SIPA1L1: variants seen among roughly 807,000 people sequenced by gnomAD.
The protein encoded by SIPA1L1 is signal induced proliferation associated 1 like 1.
Under a neutral mutation model 162.7 loss-of-function variants are expected in SIPA1L1, and 26 were observed. The ratio of observed to expected loss-of-function variants is 0.16; its 90% CI spans 0.12 to 0.22. The LOEUF (loss-of-function observed/expected upper bound fraction) is 0.22, where lower values mean the gene tolerates loss of function less well. Ranked by LOEUF, SIPA1L1 falls within the 10% of genes least tolerant of loss-of-function variation. The pLI, the probability that SIPA1L1 is intolerant of heterozygous loss-of-function variation, is 1.00. For missense variants in SIPA1L1, 1,874 were observed against 2,241.0 expected (o/e 0.84, Z 3.31); for synonymous variants, 829 against 837.4 (o/e 0.99, Z 0.17).
intron 2 of SIPA1L1, among the ~76,000 whole-genome samples, chr14:71,498,528 G>C (rs571037323): frequency 3.3e-4 from 50 of 152,304 alleles, no homozygotes; most frequent in Admixed American, 1.3e-3. Flanking sequence ...TGTAACATCT[G>C]TTTTAGTGCT....
At chr14:71,550,021 G>GGCGGA (rs1364648839) in intron 4 of SIPA1L1, among the ~76,000 whole-genome samples, 1 of 41,914 alleles carries the variant, frequency 2.4e-5, no homozygotes, top group Non-Finnish European at 3.7e-5. Context: ...CACTTTGGGA[G>GGCGGA]GCTGAGGTAG....
chr14:71,415,790 C>G (rs145116350), intron 2 of SIPA1L1, among the ~76,000 whole-genome samples: 3 of 152,190 alleles, frequency 2.0e-5, no homozygotes, highest in African/African-American at 7.2e-5. Context: ...CTCTAACTCC[C>G]AGGTTCAAGC....
At chr14:71,660,072 ATTTATT>A (rs2043380350) in intron 9 of SIPA1L1, among the ~76,000 whole-genome samples, 1 of 152,166 alleles carries the variant, frequency 6.6e-6, no homozygotes, top group Non-Finnish European at 1.5e-5. Context: ...TTATTAAGAC[ATTTATT>A]TTTATATGTC....
chr14:71,688,320 T>C (rs2149607912), intron 13 of SIPA1L1, among the ~76,000 whole-genome samples: 1 of 152,282 alleles, frequency 6.6e-6, no homozygotes, highest in African/African-American at 2.4e-5. Flanking sequence ...ACTGCAAGTG[T>C]AATGCAAATA....
chr14:71,606,224 T>G (rs2037477669), intron 5 of SIPA1L1, among the ~76,000 whole-genome samples: 1 of 152,246 alleles, frequency 6.6e-6, no homozygotes, highest in Admixed American at 6.5e-5. Context: ...TCCCTTGTGC[T>G]TCAGCCGCGG....
At chr14:71,583,962 C>G (rs147896232) in intron 4 of SIPA1L1, among the ~76,000 whole-genome samples, 30 of 152,252 alleles carry the variant, frequency 2.0e-4, no homozygotes, top group African/African-American at 7.0e-4. Flanking sequence ...GTGAGCCAGC[C>G]CAATCAACAC....
intron 6 of SIPA1L1, among the ~76,000 whole-genome samples, chr14:71,620,667 G>C (rs1230311010): frequency 6.6e-6 from 1 of 152,080 alleles, no homozygotes; most frequent in Non-Finnish European, 1.5e-5. Context: ...TCCCTTCTCA[G>C]CATGTCTTGC....
intron 2 of SIPA1L1, among the ~76,000 whole-genome samples, chr14:71,335,243 A>C (rs1038783329): frequency 6.6e-6 from 1 of 152,204 alleles, no homozygotes; most frequent in Non-Finnish European, 1.5e-5. Context: ...CGGAGCTTGC[A>C]GTGAGCCAAG....
chr14:71,730,402 C>A, intron 20 of SIPA1L1, 101 bp downstream of exon 20: 2 of 1,368,254 alleles, frequency 1.5e-6, no homozygotes, highest in Non-Finnish European at 1.0e-6. Context: ...GTCCTGTATC[C>A]ATGCTCAGAT....
At chr14:71,634,786 A>C (rs2040952652) in intron 7 of SIPA1L1, among the ~76,000 whole-genome samples, 1 of 151,948 alleles carries the variant, frequency 6.6e-6, no homozygotes, top group South Asian at 2.1e-4. Flanking sequence ...AATACAAAAA[A>C]TTAGCCAGGC....
intron 2 of SIPA1L1, among the ~76,000 whole-genome samples, chr14:71,464,062 A>G (rs1042654503): frequency 6.6e-6 from 1 of 152,222 alleles, no homozygotes; most frequent in Non-Finnish European, 1.5e-5. Flanking sequence ...GAGCAATTAC[A>G]GTGCTTTTCA....
chr14:71,673,601 G>T (rs971791576), intron 12 of SIPA1L1, among the ~76,000 whole-genome samples: 14 of 152,104 alleles, frequency 9.2e-5, no homozygotes, highest in African/African-American at 3.4e-4. Flanking sequence ...GTGTGTGTGT[G>T]TGCGTGTGTG....
chr14:71,548,436 A>G (rs2055451684), intron 4 of SIPA1L1, among the ~76,000 whole-genome samples: 1 of 152,176 alleles, frequency 6.6e-6, no homozygotes, highest in Non-Finnish European at 1.5e-5. Context: ...TGTGGTGATC[A>G]TATTTAGATA....
At chr14:71,704,623 C>T in intron 15 of SIPA1L1, 1 of 804,760 alleles carries the variant, frequency 1.2e-6, no homozygotes, top group Non-Finnish European at 2.2e-6. Flanking sequence ...CTTTATCTCT[C>T]ACTTTTGGAA....
rs575197149 is a variant in SIPA1L1, at chr14:71,651,448, C to T, written c.1993+939C>T. Among the ~76,000 whole-genome samples the T allele has an allele frequency of 4.6e-4, 70 of 152,260 alleles. 1 individual carries two copies. The highest frequency in any genetic ancestry group is 1.6e-3 in the African/African-American group (67 of 41,562). On this transcript the variant is annotated intron_variant, in intron 8 of 23. Coordinates refer to ENST00000381232, the MANE Select transcript of SIPA1L1 (RefSeq NM_001386936.1). The stretch of plus-strand genomic sequence containing the variant: ...TCCTGTTGCCATGGTTTTGCTGTTG[C>T]CAACTTGGAAACGACATGCAAGAGA...
At chr14:71,434,894 G>C (rs371179861) in intron 2 of SIPA1L1, among the ~76,000 whole-genome samples, 1 of 152,150 alleles carries the variant, frequency 6.6e-6, no homozygotes, top group Non-Finnish European at 1.5e-5. Flanking sequence ...TGTATGCTTC[G>C]TAGAAATTTA....
chr14:71,435,803 G>A (rs995937194), intron 2 of SIPA1L1, among the ~76,000 whole-genome samples: 1 of 152,226 alleles, frequency 6.6e-6, no homozygotes, highest in Non-Finnish European at 1.5e-5. Flanking sequence ...CAGTGAGAAA[G>A]TATTCCTATT....
Position 71,377,569 on chromosome 14 carries a change from C to T in SIPA1L1, c.-465+56388C>T, listed in dbSNP as rs1197309381. On this transcript the variant is annotated intron_variant, in intron 2 of 23. Transcript: ENST00000381232. The surrounding 1 kb of genome is among the most constrained non-coding windows in gnomAD (Gnocchi z 4.8). ...GCAGAGACGCTCCTCACTTCCTACA[C>T]GGGGTGGCGGCCGGGCAGAGGCTGC... Among the ~76,000 whole-genome samples the T allele has an allele frequency of 3.9e-5, 6 of 151,916 alleles. No individual in the cohort carries two copies. The highest frequency in any genetic ancestry group is 2.0e-4 in the East Asian group (1 of 5,126).
At chr14:71,701,601 A>G (rs1160514570) in intron 14 of SIPA1L1, among the ~76,000 whole-genome samples, 1 of 152,172 alleles carries the variant, frequency 6.6e-6, no homozygotes, top group South Asian at 2.1e-4. Flanking sequence ...TGAATGTTTA[A>G]ATTCTACACT....
Sources: gnomAD v4.1 joint callset for allele counts (sites outside exome capture counted in the v4.1 genomes callset) on GRCh38, gnomAD v4.1.1 for gene constraint, Gnocchi (gnomAD v3.1) non-coding constraint, MANE v1.5 for transcripts, NCBI Gene and HGNC (gene_info 2026-07-23, HGNC 2026-07-21) for gene names.